Variants in LZTFL1 observed in about 807,000 individuals in gnomAD.
LZTFL1 encodes leucine zipper transcription factor like 1.
Under a neutral mutation model 45.9 loss-of-function variants are expected in LZTFL1, and 25 were observed. That is an observed-to-expected ratio of 0.54 (90% CI 0.40 to 0.76). The LOEUF is 0.76. LZTFL1 is among the 30% of genes least tolerant of loss of function. The pLI is 0.00. For missense variants in LZTFL1, 277 were observed against 331.1 expected (o/e 0.84, Z 1.27); for synonymous variants, 93 against 117.4 (o/e 0.79, Z 1.35).
At chr3:45,836,636 C>T (rs181624170) in intron 2 of LZTFL1, among the ~76,000 whole-genome samples, 6 of 152,170 alleles carry the variant, frequency 3.9e-5, no homozygotes, top group Admixed American at 3.9e-4. Flanking sequence ...GCCTGGGCGA[C>T]AAAGTGAGAC....
At chr3:45,912,897 C>T (rs978472151) in intron 2 of LZTFL1, among the ~76,000 whole-genome samples, 15 of 152,320 alleles carry the variant, frequency 9.8e-5, no homozygotes, top group South Asian at 2.1e-4. Flanking sequence ...GCAGCTTGGT[C>T]TGACAACAGG....
chr3:45,828,754 G>T, intron 7 of LZTFL1, 139 bp from the exon 8 acceptor site: 1 of 732,444 alleles, frequency 1.4e-6, no homozygotes, highest in Non-Finnish European at 2.2e-6. Flanking sequence ...TGCCAGCCTA[G>T]GTAAGTGCCA....
intron 2 of LZTFL1, among the ~76,000 whole-genome samples, chr3:45,879,127 C>T (rs1235798433): frequency 6.6e-6 from 1 of 152,192 alleles, no homozygotes; most frequent in Admixed American, 6.5e-5. Flanking sequence ...AACATACTCT[C>T]ACCGTATGAT....
intron 2 of LZTFL1, among the ~76,000 whole-genome samples, chr3:45,862,188 G>A (rs182353167): frequency 1.3e-5 from 2 of 152,328 alleles, no homozygotes; most frequent in Admixed American, 1.3e-4. Flanking sequence ...GAGTCTTAAA[G>A]CTGTGTGAAC....
chr3:45,912,585 G>A (rs1238405275), intron 2 of LZTFL1, among the ~76,000 whole-genome samples: 3 of 152,168 alleles, frequency 2.0e-5, no homozygotes, highest in African/African-American at 7.2e-5. Context: ...TTGGGGTCAG[G>A]GAGACCACAT....
intron 2 of LZTFL1, among the ~76,000 whole-genome samples, chr3:45,904,234 C>T (rs949981814): frequency 6.6e-6 from 1 of 152,208 alleles, no homozygotes; most frequent in South Asian, 2.1e-4. Flanking sequence ...TAAAATTAAT[C>T]ATTTCTCAAA....
At chr3:45,904,182 G>C (rs1401626901) in intron 2 of LZTFL1, among the ~76,000 whole-genome samples, 1 of 152,112 alleles carries the variant, frequency 6.6e-6, no homozygotes, top group Non-Finnish European at 1.5e-5. Context: ...TTTCTTGTGT[G>C]GGGTAGGAAC....
At chr3:45,829,985 C>CA (rs1700773127) in intron 7 of LZTFL1, among the ~76,000 whole-genome samples, 2 of 152,002 alleles carry the variant, frequency 1.3e-5, no homozygotes, top group Admixed American at 1.3e-4. Flanking sequence ...AGATTTGCTT[C>CA]AAAAAAACAT....
intron 2 of LZTFL1, among the ~76,000 whole-genome samples, chr3:45,897,056 G>A (rs1354566678): frequency 2.6e-5 from 4 of 152,202 alleles, no homozygotes; most frequent in Admixed American, 6.5e-5. Flanking sequence ...GGAAGAGGAC[G>A]TGCCTGTGTG....
chr3:45,880,306 A>G (rs571696046), intron 2 of LZTFL1, among the ~76,000 whole-genome samples: 69 of 152,288 alleles, frequency 4.5e-4, no homozygotes, highest in African/African-American at 1.7e-3. Context: ...GTTTGAAACC[A>G]GCCTGGCCCA....
At chr3:45,895,779 G>A (rs977002556) in intron 2 of LZTFL1, among the ~76,000 whole-genome samples, 1 of 150,504 alleles carries the variant, frequency 6.6e-6, no homozygotes, top group Non-Finnish European at 1.5e-5. Context: ...TTTTACAGCC[G>A]AATGTAATTA....
Position 45,901,270 on chromosome 3 carries a change from G to T in LZTFL1, c.-215+11850C>A, listed in dbSNP as rs765431789. The T allele has an allele frequency of 6.2e-7, 1 of 1,614,202 alleles. No homozygotes were observed. Among genetic ancestry groups the T allele is most frequent in the Non-Finnish European group, 8.5e-7 (1 of 1,180,030 alleles). ...AGAGCACATACTTGGAGGGAGAAAAGGCTTTTGTACAGCAAAATGGTTTGC... is the reference window on the plus strand; with the variant it reads ...AGAGCACATACTTGGAGGGAGAAAATGCTTTTGTACAGCAAAATGGTTTGC... On this transcript the variant is annotated intron_variant, in intron 2 of 4. Transcript: ENST00000472635. The surrounding 1 kb of genome is among the most constrained non-coding windows in gnomAD (Gnocchi z 4.3).
chr3:45,861,981 C>T (rs1265020686), intron 2 of LZTFL1, among the ~76,000 whole-genome samples: 1 of 152,134 alleles, frequency 6.6e-6, no homozygotes, highest in Non-Finnish European at 1.5e-5. Context: ...ACCTGGTGGT[C>T]ATTATCTTTG....
Position 45,835,734 on chromosome 3 carries a change from C to T in LZTFL1, c.179G>A (p.Gly60Glu). The change falls in exon 3 of 10, where the codon GGA becomes GAA. Residue 60 changes from glycine (G) to glutamate (E), a missense_variant. Coordinates refer to ENST00000296135, the MANE Select transcript of LZTFL1 (RefSeq NM_020347.4). Reference protein sequence around the residue: ...TIDEVSEVLNGLQAVVHSEVE... With the variant: ...TIDEVSEVLNELQAVVHSEVE... ...CTCACTATGAACCACAGCTTGTAAT[C>T]CATTGAGGACTTCAGAGACTTCATC... is the stretch of plus-strand genomic sequence containing the variant. The T allele has an allele frequency of 6.2e-7, 1 of 1,614,128 alleles. No individual in the cohort carries two copies. The highest frequency in any genetic ancestry group is 8.5e-7 in the Non-Finnish European group (1 of 1,179,990).
chr3:45,859,503 A>G (rs898516269), intron 2 of LZTFL1, among the ~76,000 whole-genome samples: 1 of 152,226 alleles, frequency 6.6e-6, no homozygotes, highest in African/African-American at 2.4e-5. Flanking sequence ...CTGTGATTAC[A>G]GATGTGAGCC....
At chr3:45,829,729 C>T (rs1167044148) in intron 7 of LZTFL1, among the ~76,000 whole-genome samples, 1 of 150,860 alleles carries the variant, frequency 6.6e-6, no homozygotes, top group East Asian at 2.0e-4. Flanking sequence ...CACGTATTCA[C>T]TGGTTGTTCT....
intron 2 of LZTFL1, among the ~76,000 whole-genome samples, chr3:45,884,906 C>T (rs1162653642): frequency 6.6e-6 from 1 of 152,174 alleles, no homozygotes; most frequent in African/African-American, 2.4e-5. Flanking sequence ...GAGCATCTGG[C>T]TGGTTCTCAG....
intron 2 of LZTFL1, chr3:45,895,086 A>G: frequency 1.0e-6 from 1 of 956,498 alleles, no homozygotes. Flanking sequence ...TCTGCCTGGC[A>G]ATGCGCATTG....
intron 2 of LZTFL1, among the ~76,000 whole-genome samples, chr3:45,866,478 G>A (rs1339148220): frequency 2.0e-5 from 3 of 152,298 alleles, no homozygotes; most frequent in African/African-American, 7.2e-5. Flanking sequence ...ACAAGGGCAA[G>A]CCTGCCTGAT....
Sources: gnomAD v4.1 joint callset for allele counts (sites outside exome capture counted in the v4.1 genomes callset) on GRCh38, gnomAD v4.1.1 for gene constraint, Gnocchi (gnomAD v3.1) non-coding constraint, MANE v1.5 for transcripts, NCBI Gene and HGNC (gene_info 2026-07-23, HGNC 2026-07-21) for gene names.